Variants in CFAP299 observed in about 807,000 individuals in gnomAD.
CFAP299 encodes cilia and flagella associated protein 299, also known as cilia- and flagella-associated protein 299.
Under a neutral mutation model 27.0 loss-of-function variants are expected in CFAP299, and 21 were observed. That is an observed-to-expected ratio of 0.78 (90% CI 0.55 to 1.12). The LOEUF is 1.12. Among genes scored for constraint, CFAP299 ranks in the 50% most tolerant of loss-of-function variants. The pLI, the probability that CFAP299 is intolerant of heterozygous loss-of-function variation, is 0.00. For missense variants in CFAP299, 310 were observed against 276.6 expected, an observed-to-expected ratio of 1.12 and a Z score of -0.86; for synonymous variants, 104 against 98.1, an observed-to-expected ratio of 1.06 and a Z score of -0.36.
chr4:80,415,010 C>T (rs1297969084), intron 2 of CFAP299, among the ~76,000 whole-genome samples: 1 of 152,108 alleles, frequency 6.6e-6, no homozygotes, highest in African/African-American at 2.4e-5. Flanking sequence ...AATAGTTGTA[C>T]TGAGTGAATA....
chr4:80,888,094 C>A (rs766531466), intron 4 of CFAP299, among the ~76,000 whole-genome samples: 1 of 151,782 alleles, frequency 6.6e-6, no homozygotes, highest in Admixed American at 6.6e-5. Context: ...ATTAAGCAAC[C>A]AGAAAACAAA....
intron 2 of CFAP299, among the ~76,000 whole-genome samples, chr4:80,434,519 T>A (rs1425489546): frequency 1.3e-5 from 2 of 152,256 alleles, no homozygotes; most frequent in African/African-American, 2.4e-5. Flanking sequence ...TGATGAGTCA[T>A]ATTCCACCAT....
At chr4:80,818,318 G>A (rs1200234539) in intron 3 of CFAP299, among the ~76,000 whole-genome samples, 2 of 151,970 alleles carry the variant, frequency 1.3e-5, no homozygotes, top group Non-Finnish European at 2.9e-5. Flanking sequence ...TAATTATTTT[G>A]TTTAAATTTT....
At chr4:80,962,835 T>C (rs1297613280) in intron 5 of CFAP299, among the ~76,000 whole-genome samples, 1 of 152,014 alleles carries the variant, frequency 6.6e-6, no homozygotes, top group Non-Finnish European at 1.5e-5. Context: ...GTGCAACTCT[T>C]TTAGAATCAT....
chr4:80,691,029 T>G (rs1720644686), intron 3 of CFAP299, among the ~76,000 whole-genome samples: 1 of 136,836 alleles, frequency 7.3e-6, no homozygotes, highest in Non-Finnish European at 1.6e-5. Flanking sequence ...AATAACAGGC[T>G]CTGAAATTGT....
intron 2 of CFAP299, among the ~76,000 whole-genome samples, chr4:80,498,856 A>G (rs2110148649): frequency 6.6e-6 from 1 of 152,306 alleles, no homozygotes; most frequent in African/African-American, 2.4e-5. Flanking sequence ...AATCATCATC[A>G]ATAGTGGACA....
intron 3 of CFAP299, among the ~76,000 whole-genome samples, chr4:80,684,295 C>G (rs1236957327): frequency 6.6e-6 from 1 of 151,026 alleles, no homozygotes; most frequent in Non-Finnish European, 1.5e-5. Flanking sequence ...GACGGAGCCT[C>G]ACTTTGTTGC....
intron 3 of CFAP299, among the ~76,000 whole-genome samples, chr4:80,590,906 C>G (rs1006272794): frequency 6.6e-6 from 1 of 151,846 alleles, no homozygotes; most frequent in Non-Finnish European, 1.5e-5. Context: ...TGCTTTGTTT[C>G]TTTAAAATTT....
At chr4:80,773,621 A>G (rs1726349742) in intron 3 of CFAP299, among the ~76,000 whole-genome samples, 1 of 152,122 alleles carries the variant, frequency 6.6e-6, no homozygotes, top group Non-Finnish European at 1.5e-5. Context: ...AATTTTAAAT[A>G]TAAATGATAG....
chr4:80,516,520 G>A (rs1732596648), intron 2 of CFAP299, among the ~76,000 whole-genome samples: 1 of 152,038 alleles, frequency 6.6e-6, no homozygotes, highest in South Asian at 2.1e-4. Context: ...GGAGTAAGAG[G>A]GAAATTGGGG....
At chr4:80,512,206 G>T (rs1482434161) in intron 2 of CFAP299, among the ~76,000 whole-genome samples, 2 of 148,006 alleles carry the variant, frequency 1.4e-5, no homozygotes, top group African/African-American at 2.6e-5. Context: ...GTGATGGCAG[G>T]CACACATATT....
At chr4:80,830,406 G>A (rs1578163865) in intron 3 of CFAP299, among the ~76,000 whole-genome samples, 1 of 152,074 alleles carries the variant, frequency 6.6e-6, no homozygotes, top group East Asian at 1.9e-4. Flanking sequence ...GTATATTTTA[G>A]TTATACTCTC....
At chr4:80,860,329 T>C (rs1732240252) in intron 3 of CFAP299, among the ~76,000 whole-genome samples, 1 of 152,140 alleles carries the variant, frequency 6.6e-6, no homozygotes, top group African/African-American at 2.4e-5. Context: ...TTTTTCAAAG[T>C]TTTTAACTTC....
At chr4:80,936,496 A>G (rs965439127) in intron 4 of CFAP299, among the ~76,000 whole-genome samples, 5 of 152,166 alleles carry the variant, frequency 3.3e-5, no homozygotes, top group Non-Finnish European at 7.4e-5. Context: ...ATGGGAACAT[A>G]TAGAGCTGGA....
chr4:80,914,237 G>A (rs1578234547), intron 4 of CFAP299, among the ~76,000 whole-genome samples: 1 of 152,130 alleles, frequency 6.6e-6, no homozygotes. Flanking sequence ...ATAAGCACAT[G>A]TTTAATGTTA....
intron 3 of CFAP299, among the ~76,000 whole-genome samples, chr4:80,837,882 C>A (rs1296095395): frequency 6.6e-6 from 1 of 152,188 alleles, no homozygotes; most frequent in Non-Finnish European, 1.5e-5. Context: ...TTTACACTCC[C>A]ACCAACAGTG....
At chr4:80,911,925 AT>A (rs2110204052) in intron 4 of CFAP299, among the ~76,000 whole-genome samples, 1 of 129,578 alleles carries the variant, frequency 7.7e-6, no homozygotes, top group Non-Finnish European at 1.6e-5. Flanking sequence ...CAAAAGCAAA[AT>A]TTGTCTGAAA....
intron 4 of CFAP299, among the ~76,000 whole-genome samples, chr4:80,890,089 C>T (rs886921568): frequency 2.6e-5 from 4 of 152,050 alleles, no homozygotes; most frequent in Non-Finnish European, 4.4e-5. Flanking sequence ...ATGTTATTTT[C>T]CCCACTACTA....
At chr4:80,474,028 CAATTT>C (rs767628241) in intron 2 of CFAP299, among the ~76,000 whole-genome samples, 6 of 152,060 alleles carry the variant, frequency 3.9e-5, no homozygotes, top group Non-Finnish European at 7.4e-5. Flanking sequence ...AAGTTTAAAT[CAATTT>C]AATTATTTCA....
Sources: gnomAD v4.1 joint callset for allele counts (sites outside exome capture counted in the v4.1 genomes callset) on GRCh38, gnomAD v4.1.1 for gene constraint, MANE v1.5 for transcripts, NCBI Gene and HGNC (gene_info 2026-07-23, HGNC 2026-07-21) for gene names.